The following COL22A1 variants were observed in gnomAD, a reference collection of about 807,000 sequenced individuals.
COL22A1 encodes the protein collagen alpha-1(XXII) chain.
A neutral mutation model predicts 248.9 loss-of-function variants in COL22A1; 221 were observed. The observed-to-expected ratio is 0.89, with a 90% CI of 0.80 to 0.99. The LOEUF (loss-of-function observed/expected upper bound fraction) is 0.99. Among genes scored for constraint, COL22A1 ranks in the 50% least tolerant of loss-of-function variants. The pLI is 0.00. For synonymous variants in COL22A1, 891 were observed against 793.4 expected (o/e 1.12, Z -2.07); for missense variants, 2,240 against 2,179.0 (o/e 1.03, Z -0.56).
chr8:138,902,147 C>T (rs1359766984), intron 1 of COL22A1, among the ~76,000 whole-genome samples: 1 of 152,158 alleles, frequency 6.6e-6, no homozygotes, highest in Non-Finnish European at 1.5e-5. Context: ...TGAGGCGCTC[C>T]ATGAGAGAGG....
rs1161080928 is a variant in COL22A1 at position 138,820,994 on chromosome 8, G to A, written c.1245+142C>T. ...TCAAATATGGCAGTTTTCTGAGTCA[G>A]GGTCTTTCCTTCTAAGACGGTCCAA... On this transcript the variant is annotated intron_variant, in intron 7 of 64. Transcript: ENST00000303045. The A allele has an allele frequency of 3.4e-6, 3 of 872,534 alleles. No homozygotes were observed. The African/African-American group carries it at 5.1e-5, about 15-fold the overall frequency. 54.0% of individuals were successfully genotyped at this position (872,534 alleles called of 1,614,324 possible). A position where few individuals can be genotyped will look rare whatever the true frequency, so the allele number is the denominator to read the frequency against.
At chr8:138,696,056 A>G (rs1282390289) in intron 32 of COL22A1, among the ~76,000 whole-genome samples, 1 of 152,210 alleles carries the variant, frequency 6.6e-6, no homozygotes, top group Non-Finnish European at 1.5e-5. Flanking sequence ...TCTGCAAAAT[A>G]AAGAGGTGGT....
At chr8:138,701,226 C>T (rs1424199386) in intron 31 of COL22A1, among the ~76,000 whole-genome samples, 2 of 152,122 alleles carry the variant, frequency 1.3e-5, no homozygotes, top group Non-Finnish European at 2.9e-5. Context: ...GCATCTTGTT[C>T]TTTTCCTGGA....
Position 138,623,777 on chromosome 8 carries a change from T to A in COL22A1, c.3726A>T (p.Glu1242Asp). The part of the protein sequence containing the change: ...PSGLPGIPGE[E>D]GKEGRDGKPG... ...GCTTTCCATCTCTGCCCTCTTTGCCTTCTTCTCCCTGCAAGAGAAACTCAA... is the reference window on the plus strand; with the variant it reads ...GCTTTCCATCTCTGCCCTCTTTGCCATCTTCTCCCTGCAAGAGAAACTCAA... Residue 1242 changes from glutamate (E) to aspartate (D), a missense_variant, in exon 52 of 65, where the codon GAA (glutamate) becomes GAT (aspartate). Physicochemically the swap from Glu to Asp is conservative, Grantham distance 45. Coordinates refer to ENST00000303045, the MANE Select transcript of COL22A1 (RefSeq NM_152888.3). 1 of 1,612,866 alleles carries A rather than the reference T, an allele frequency of 6.2e-7. No homozygotes were observed. Among genetic ancestry groups the A allele is most frequent in the Non-Finnish European group, 8.5e-7 (1 of 1,179,458 alleles).
At chr8:138,663,626 G>T (rs11166835) in intron 42 of COL22A1, 79 bp downstream of exon 42, 796,231 of 1,120,676 alleles carry the variant, frequency 0.71, 290,295 homozygotes, top group Non-Finnish European at 0.76. Context: ...AGTTTTTGGT[G>T]CTTCCCATTT....
intron 45 of COL22A1, among the ~76,000 whole-genome samples, chr8:138,655,127 C>T (rs1237345773): frequency 6.6e-6 from 1 of 152,202 alleles, no homozygotes; most frequent in Non-Finnish European, 1.5e-5. Context: ...TTGACCCTCA[C>T]AGTATCTCAG....
In COL22A1 at chr8:138,751,513, T is replaced by C; in HGVS notation, c.2032-2A>G. 6.2e-7 allele frequency: 1 copy of C among 1,607,062 alleles called. No homozygotes were observed. The highest frequency in any genetic ancestry group is 2.2e-5 in the East Asian group (1 of 44,628). Reference sequence around the variant, plus strand: ...CCTGCCTTCTGGGCCTATTGGACCCTTTAGGAGGGAGAAAAAGGAAAAAGA... The same window carrying C: ...CCTGCCTTCTGGGCCTATTGGACCCCTTAGGAGGGAGAAAAAGGAAAAAGA... On this transcript the variant is annotated splice_acceptor_variant, in intron 21 of 64. Transcript: ENST00000303045. LOFTEE classifies it high-confidence loss of function.
At position 138,694,536 on chromosome 8, in the gene COL22A1, A is replaced by G. The variant is rs748134695; in HGVS notation, c.2672T>C (p.Leu891Ser). ...TGGTCCAGTGGGTCCCTGAGGCCCC[A>G]ATTCTCCAGGACGGCCCTGCAGTCC... ...EPGLQGRPGE[L>S]GPQGPTGPPG... Residue 891 changes from leucine to serine, a missense_variant, in exon 34 of 65, where the codon TTG (leucine) becomes TCG (serine). By Grantham distance (145) the Leu-to-Ser change is moderately radical. Transcript: ENST00000303045. 1.2e-6 allele frequency: 2 copies of G among 1,614,106 alleles called. No individual in the cohort carries two copies. Among genetic ancestry groups the G allele is most frequent in the Non-Finnish European group, 1.7e-6 (2 of 1,179,996 alleles).
intron 4 of COL22A1, among the ~76,000 whole-genome samples, chr8:138,836,957 G>A (rs1030042013): frequency 5.3e-5 from 8 of 152,196 alleles, no homozygotes; most frequent in African/African-American, 1.9e-4. Flanking sequence ...GTTTAACGCA[G>A]CCCAAGGCAC....
chr8:138,729,547 A>G (rs1830559782), intron 23 of COL22A1, among the ~76,000 whole-genome samples: 2 of 152,144 alleles, frequency 1.3e-5, no homozygotes, highest in Non-Finnish European at 1.5e-5. Context: ...TTACAGAGAG[A>G]GAGAAGCTGG....
At chr8:138,612,260 C>A (rs1292897746) in intron 56 of COL22A1, among the ~76,000 whole-genome samples, 1 of 152,088 alleles carries the variant, frequency 6.6e-6, no homozygotes, top group Non-Finnish European at 1.5e-5. Context: ...TATAGAGAGA[C>A]ACAGATATCA....
intron 60 of COL22A1, among the ~76,000 whole-genome samples, chr8:138,601,812 A>G (rs1343052758): frequency 2.6e-5 from 4 of 152,168 alleles, no homozygotes; most frequent in South Asian, 2.1e-4. Flanking sequence ...AAATCTGTCA[A>G]TGTCTCCCAA....
chr8:138,606,794 G>A (rs1274760626), intron 57 of COL22A1, among the ~76,000 whole-genome samples: 3 of 152,190 alleles, frequency 2.0e-5, no homozygotes, highest in East Asian at 1.9e-4. Flanking sequence ...CACTGCCCAT[G>A]AGGCGGCCAA....
chr8:138,833,103 T>C lies in COL22A1; in HGVS notation c.781A>G (p.Arg261Gly), dbSNP rs769313675. 1.2e-6 allele frequency: 2 copies of C among 1,613,900 alleles called. No individual in the cohort carries two copies. Among genetic ancestry groups the C allele is most frequent in the African/African-American group, 2.7e-5 (2 of 74,922 alleles). ...TAGGAACTCTGAGCTCCATTCTCTC[T>C]CTTCCCCAAGATTTCCTTCACACTG... The part of the protein sequence containing the change: ...LFSVKEILGK[R>G]ENGAQSSYVR... The change falls in exon 5 of 65, where the codon AGA becomes GGA. Residue 261 changes from arginine to glycine, a missense_variant. Transcript: ENST00000303045.
At chr8:138,623,260 T>TATATATATATATA (rs1564109173) in intron 52 of COL22A1, among the ~76,000 whole-genome samples, 2 of 52,450 alleles carry the variant, frequency 3.8e-5, no homozygotes, top group African/African-American at 1.4e-4. Flanking sequence ...ATATATATAT[T>TATATATATATATA]TATGTGTGTG....
At position 138,649,710 on chromosome 8, in the gene COL22A1, T is replaced by C. The variant is rs774250059; in HGVS notation, c.3402A>G (p.Lys1134=). The part of the protein sequence containing the change: ...LPGLPGFKGD[K]GVPGKPGREG... ...CTCTCCCTGGCTTTCCTGGGACACCTTTGTCCCCTTTAAAACCTGGTAGAC... is the reference window on the plus strand; with the variant it reads ...CTCTCCCTGGCTTTCCTGGGACACCCTTGTCCCCTTTAAAACCTGGTAGAC... Residue 1134 remains lysine (K), a synonymous_variant, in exon 46 of 65, where the codon AAA becomes AAG. Coordinates refer to ENST00000303045, the MANE Select transcript of COL22A1 (RefSeq NM_152888.3). 1 of 1,613,250 alleles carries C rather than the reference T, an allele frequency of 6.2e-7. No homozygotes were observed. The highest frequency in any genetic ancestry group is 8.5e-7 in the Non-Finnish European group (1 of 1,179,584).
intron 26 of COL22A1, 93 bp from the exon 27 acceptor site, chr8:138,720,885 T>A: frequency 2.0e-6 from 2 of 1,012,102 alleles, no homozygotes; most frequent in Non-Finnish European, 3.2e-6. Flanking sequence ...GGAAGAGAAC[T>A]ACCTGCACTC....
intron 2 of COL22A1, among the ~76,000 whole-genome samples, chr8:138,880,599 T>C (rs949520991): frequency 6.6e-6 from 1 of 152,188 alleles, no homozygotes; most frequent in Non-Finnish European, 1.5e-5. Context: ...CCTTTCCCTC[T>C]AGTTTTGAAA....
intron 4 of COL22A1, 43 bp downstream of exon 4, chr8:138,844,041 C>A (rs1333576328): frequency 6.4e-7 from 1 of 1,564,678 alleles, no homozygotes; most frequent in Admixed American, 1.7e-5. Context: ...CTCAGCAAAT[C>A]ATACACCAAA....
Sources: gnomAD v4.1 joint callset for allele counts (sites outside exome capture counted in the v4.1 genomes callset) on GRCh38, gnomAD v4.1.1 for gene constraint, MANE v1.5 for transcripts, NCBI Gene and HGNC (gene_info 2026-07-23, HGNC 2026-07-21) for gene names.